ADAMTS5: variants seen among roughly 807,000 people sequenced by gnomAD.
The protein encoded by ADAMTS5 is ADAM metallopeptidase with thrombospondin type 1 motif 5, also known as A disintegrin and metalloproteinase with thrombospondin motifs 5.
ADAMTS5 carries 54 observed loss-of-function variants against 81.4 expected under a neutral mutation model. That is an observed-to-expected ratio of 0.66 (90% CI 0.53 to 0.83). The LOEUF is 0.83. Ranked by LOEUF, ADAMTS5 falls within the 40% of genes least tolerant of loss-of-function variation. The pLI, the probability that ADAMTS5 is intolerant of heterozygous loss-of-function variation, is 0.00. For synonymous variants in ADAMTS5, 532 were observed against 508.8 expected (o/e 1.05, Z -0.61); for missense variants, 1,194 against 1,229.9 (o/e 0.97, Z 0.44).
At chr21:26,955,675 G>A (rs961320318) in intron 1 of ADAMTS5, among the ~76,000 whole-genome samples, 1 of 152,090 alleles carries the variant, frequency 6.6e-6, no homozygotes, top group African/African-American at 2.4e-5. Flanking sequence ...GAAACATAAA[G>A]AGAAAATATA....
In ADAMTS5 at chr21:26,923,723, A is replaced by G. The variant is rs1986744657; in HGVS notation, c.*330T>C. The G allele has an allele frequency of 4.2e-6, 1 of 240,918 alleles. No homozygotes were observed. Among genetic ancestry groups the G allele is most frequent in the East Asian group, 8.2e-5 (1 of 12,260 alleles). The allele number at this position is 240,918 out of a possible 1,614,324, so 14.9% of individuals were successfully genotyped here. On this transcript the variant is annotated 3_prime_UTR_variant, in exon 8 of 8. Transcript: ENST00000284987. ...GGGTGAAAATGATTATGATACCATT[A>G]AAGACATTCTATCAGAGGTAGGTGA...
chr21:26,961,941 G>T (rs1023730757), intron 1 of ADAMTS5, among the ~76,000 whole-genome samples: 3 of 152,164 alleles, frequency 2.0e-5, no homozygotes, highest in Non-Finnish European at 2.9e-5. Flanking sequence ...GAGAAATGCC[G>T]TGTGGGGAGA....
chr21:26,965,579 C>G lies in ADAMTS5; in HGVS notation c.813G>C (p.Leu271=), dbSNP rs1325184546. Residue 271 remains leucine, a synonymous_variant, in exon 1 of 8, where the codon CTG becomes CTC. Coordinates refer to ENST00000284987, the MANE Select transcript of ADAMTS5 (RefSeq NM_007038.5). The part of the protein sequence containing the change: ...RSISRARQVE[L]LLVADASMAR... ...CCATGGACGCGTCAGCCACCAGAAG[C>G]AGCTCCACCTGGCGGGCCCGGGAGA... 1 of 1,608,292 alleles carries G rather than the reference C, an allele frequency of 6.2e-7. No homozygotes were observed. The highest frequency in any genetic ancestry group is 1.3e-5 in the African/African-American group (1 of 74,844).
At position 26,923,993 on chromosome 21, in the gene ADAMTS5, C is replaced by T; in HGVS notation, c.*60G>A. The T allele has an allele frequency of 6.7e-7, 1 of 1,502,202 alleles. No individual in the cohort carries two copies. Among genetic ancestry groups the T allele is most frequent in the Non-Finnish European group, 8.9e-7 (1 of 1,118,226 alleles). 93.1% of individuals were successfully genotyped at this position (1,502,202 alleles called of 1,614,324 possible). On this transcript the variant is annotated 3_prime_UTR_variant, in exon 8 of 8. Transcript: ENST00000284987. ...TGCGTTAGGTAGACCTCCTGTTCAC[C>T]ACGACTGCATCAGTGCTGAATCCTC...
Position 26,933,979 on chromosome 21 carries a change from C to G in ADAMTS5, c.1689+487G>C, listed in dbSNP as rs143900854. On this transcript the variant is annotated intron_variant, in intron 4 of 7. Coordinates refer to ENST00000284987, the MANE Select transcript of ADAMTS5 (RefSeq NM_007038.5). ...GTATATAGTGGCAGACGTGTTTCCC[C>G]GGAGCAGTCGTAAGTTACTTTAGCT... Among the ~76,000 whole-genome samples, 702 of 152,224 alleles carry G rather than the reference C, an allele frequency of 4.6e-3. 7 individuals carry two copies. Among genetic ancestry groups the G allele is most frequent in the African/African-American group, 0.015 (620 of 41,520 alleles).
chr21:26,941,816 A>G (rs1987119591), intron 3 of ADAMTS5, among the ~76,000 whole-genome samples: 1 of 152,070 alleles, frequency 6.6e-6, no homozygotes, highest in South Asian at 2.1e-4. Context: ...ATTCCACCCA[A>G]GAAGGACTTT....
At chr21:26,943,894 AT>A (rs1184494307) in intron 2 of ADAMTS5, among the ~76,000 whole-genome samples, 4 of 152,170 alleles carry the variant, frequency 2.6e-5, no homozygotes, top group African/African-American at 9.6e-5. Flanking sequence ...ACCACGTATC[AT>A]TTTGATTGTC....
At chr21:26,944,178 T>G (rs1313400073) in intron 2 of ADAMTS5, among the ~76,000 whole-genome samples, 1 of 152,228 alleles carries the variant, frequency 6.6e-6, no homozygotes, top group Admixed American at 6.5e-5. Flanking sequence ...TTTTGGTGAT[T>G]TAGTGAGTTA....
intron 2 of ADAMTS5, among the ~76,000 whole-genome samples, chr21:26,950,697 G>A (rs553039890): frequency 6.6e-6 from 1 of 152,290 alleles, no homozygotes; most frequent in African/African-American, 2.4e-5. Context: ...AAAAAAAGAA[G>A]TGTTCTAGTT....
rs865843183 is a variant in ADAMTS5, at chr21:26,919,297, C to G, written c.*4756G>C. 2.6e-5 allele frequency: 4 copies of G among 151,012 alleles called. No homozygotes were observed. The highest frequency in any genetic ancestry group is 4.2e-4 in the South Asian group (2 of 4,786). 9.4% of individuals were successfully genotyped at this position (151,012 alleles called of 1,614,324 possible). A position where few individuals can be genotyped will look rare whatever the true frequency, so the allele number is the denominator to read the frequency against. ...AGACTTTTAGGTCACTCTGATGTAG[C>G]AGTACCTTACAGGATGAGGGGCCAC... On this transcript the variant is annotated 3_prime_UTR_variant, in exon 8 of 8. Coordinates refer to ENST00000284987, the MANE Select transcript of ADAMTS5 (RefSeq NM_007038.5).
intron 2 of ADAMTS5, among the ~76,000 whole-genome samples, chr21:26,947,472 C>T (rs1246149123): frequency 6.7e-6 from 1 of 148,606 alleles, no homozygotes; most frequent in African/African-American, 2.5e-5. Flanking sequence ...TCTCTCTTGT[C>T]GTCCAGGCTG....
intron 1 of ADAMTS5, among the ~76,000 whole-genome samples, chr21:26,963,129 G>T (rs1987561599): frequency 6.6e-6 from 1 of 151,776 alleles, no homozygotes; most frequent in Non-Finnish European, 1.5e-5. Flanking sequence ...AGACCAGAGA[G>T]GGCCCATGTG....
At chr21:26,947,974 T>C (rs1335313713) in intron 2 of ADAMTS5, among the ~76,000 whole-genome samples, 1 of 152,168 alleles carries the variant, frequency 6.6e-6, no homozygotes, top group Non-Finnish European at 1.5e-5. Context: ...AGCTCAGAAA[T>C]AGCAAACAAA....
In ADAMTS5 at chr21:26,922,590, G is replaced by C. The variant is rs1039600906; in HGVS notation, c.*1463C>G. The stretch of plus-strand genomic sequence containing the variant: ...AAGTTGTGAGGTTGGTGATGGGGGG[G>C]TGTACATTTTATCATCTAAAAAGAT... On this transcript the variant is annotated 3_prime_UTR_variant, in exon 8 of 8. Coordinates refer to ENST00000284987, the MANE Select transcript of ADAMTS5 (RefSeq NM_007038.5). 1 of 152,018 alleles carries C rather than the reference G, an allele frequency of 6.6e-6. No homozygotes were observed. The highest frequency in any genetic ancestry group is 2.1e-4 in the South Asian group (1 of 4,826). 9.4% of individuals were successfully genotyped at this position (152,018 alleles called of 1,614,324 possible). A position where few individuals can be genotyped will look rare whatever the true frequency, so the allele number is the denominator to read the frequency against.
chr21:26,945,501 T>C (rs1987198379), intron 2 of ADAMTS5, among the ~76,000 whole-genome samples: 1 of 152,202 alleles, frequency 6.6e-6, no homozygotes, highest in Admixed American at 6.5e-5. Flanking sequence ...ACTTTCCATA[T>C]GCCTTTTTAT....
At chr21:26,926,401 C>T (rs769980372) in intron 7 of ADAMTS5, among the ~76,000 whole-genome samples, 38 of 152,120 alleles carry the variant, frequency 2.5e-4, no homozygotes, top group Non-Finnish European at 4.7e-4. Flanking sequence ...GGCTGGATGC[C>T]GTGGCTCACA....
chr21:26,935,828 T>G (rs1987004027), intron 3 of ADAMTS5, among the ~76,000 whole-genome samples: 1 of 152,230 alleles, frequency 6.6e-6, no homozygotes, highest in Non-Finnish European at 1.5e-5. Flanking sequence ...ATTGCCCATC[T>G]GTTTCTGTAT....
intron 1 of ADAMTS5, among the ~76,000 whole-genome samples, chr21:26,956,510 C>T (rs1209239919): frequency 6.6e-6 from 1 of 152,134 alleles, no homozygotes; most frequent in Non-Finnish European, 1.5e-5. Flanking sequence ...TTGGAACACA[C>T]TTTTGCATAA....
At chr21:26,934,414 T>G in intron 4 of ADAMTS5, 52 bp downstream of exon 4, 2 of 1,597,588 alleles carry the variant, frequency 1.3e-6, no homozygotes, top group Admixed American at 1.7e-5. Flanking sequence ...ATCACAAGAA[T>G]GCACTTCACT....
Sources: allele counts gnomAD v4.1 joint callset (sites outside exome capture counted in the v4.1 genomes callset), GRCh38; gene constraint gnomAD v4.1.1; transcripts MANE v1.5; gene names NCBI Gene and HGNC (gene_info 2026-07-23, HGNC 2026-07-21).